Variants in BLTP3A observed in about 807,000 individuals in gnomAD.
BLTP3A encodes bridge-like lipid transfer protein family member 3A, also known as ICBP90 binding protein 1.
the BLTP3A span, chr6:34,856,429 A>G: frequency 6.2e-7 from 1 of 1,610,910 alleles, no homozygotes. Context: ...GAGGAACTGG[A>G]AGACTCCAGT....
the BLTP3A span, chr6:34,834,708 T>C: frequency 6.2e-7 from 1 of 1,612,686 alleles, no homozygotes; most frequent in Non-Finnish European, 8.5e-7. Flanking sequence ...GATTGTACTT[T>C]CTCTCCTTCC....
At chr6:34,858,023 A>G in the BLTP3A span, 6 of 1,556,540 alleles carry the variant, frequency 3.9e-6, no homozygotes, top group East Asian at 1.4e-4. Flanking sequence ...AAGTAAGAAA[A>G]TAGTTTCACA....
chr6:34,858,448 T>G, the BLTP3A span: 1 of 1,614,204 alleles, frequency 6.2e-7, no homozygotes, highest in South Asian at 1.1e-5. Flanking sequence ...GTCTGTCCAC[T>G]TTACCCAGAT....
chr6:34,792,285 A>C, the BLTP3A span: 4 of 1,543,660 alleles, frequency 2.6e-6, no homozygotes, highest in Non-Finnish European at 3.5e-6. Flanking sequence ...ATCCTGAAAC[A>C]CCTGTCCCGG....
the BLTP3A span, chr6:34,872,209 T>C: frequency 1.6e-5 from 21 of 1,335,912 alleles, no homozygotes; most frequent in Non-Finnish European, 2.1e-5. Context: ...TTGACATAAC[T>C]TGTGGATTTT....
the BLTP3A span, chr6:34,834,965 GAC>G: frequency 2.9e-6 from 4 of 1,395,632 alleles, no homozygotes; most frequent in Non-Finnish European, 2.9e-6. Flanking sequence ...GCCCTGGAAT[GAC>G]AGTTGAAGGG....
At chr6:34,803,145 C>A in the BLTP3A span, among the ~76,000 whole-genome samples, 1 of 151,622 alleles carries the variant, frequency 6.6e-6, no homozygotes, top group African/African-American at 2.4e-5. Flanking sequence ...GATCGCGCCA[C>A]TGCACTCCAG....
chr6:34,860,807 TG>T, the BLTP3A span, among the ~76,000 whole-genome samples: 1 of 152,038 alleles, frequency 6.6e-6, no homozygotes, highest in African/African-American at 2.4e-5. Context: ...CTTTTCTAAA[TG>T]GAGACAAGTA....
At chr6:34,856,012 A>C in the BLTP3A span, 1 of 865,100 alleles carries the variant, frequency 1.2e-6, no homozygotes, top group Non-Finnish European at 1.4e-6. Flanking sequence ...CCATAGTCAA[A>C]TATGGCAGCA....
the BLTP3A span, chr6:34,867,622 G>T: frequency 6.2e-7 from 1 of 1,611,336 alleles, no homozygotes; most frequent in Non-Finnish European, 8.5e-7. Context: ...CCCAGGTAAG[G>T]ATGGTAGTCA....
At chr6:34,820,943 C>T in the BLTP3A span, among the ~76,000 whole-genome samples, 2 of 150,048 alleles carry the variant, frequency 1.3e-5, no homozygotes, top group African/African-American at 2.5e-5. Context: ...TGAGCCACCA[C>T]GCCTGGCCCT....
chr6:34,843,769 A>T, the BLTP3A span, among the ~76,000 whole-genome samples: 1 of 152,162 alleles, frequency 6.6e-6, no homozygotes, highest in Admixed American at 6.5e-5. Flanking sequence ...CAGTAGTGGG[A>T]TTGCCTGATC....
chr6:34,848,634 C>T, the BLTP3A span, among the ~76,000 whole-genome samples: 2 of 151,586 alleles, frequency 1.3e-5, no homozygotes, highest in South Asian at 2.1e-4. Context: ...ATAGCTATTC[C>T]GTCTCTTTTT....
the BLTP3A span, among the ~76,000 whole-genome samples, chr6:34,818,879 A>T: frequency 9.9e-5 from 15 of 152,200 alleles, no homozygotes; most frequent in Non-Finnish European, 2.2e-4. Flanking sequence ...GCAAAGATAA[A>T]CTTTTGCACG....
At chr6:34,858,171 C>T in the BLTP3A span, 2 of 1,614,118 alleles carry the variant, frequency 1.2e-6, no homozygotes, top group Non-Finnish European at 1.7e-6. Context: ...TGCATCGTCC[C>T]CAGGCCCTTG....
the BLTP3A span, among the ~76,000 whole-genome samples, chr6:34,829,524 T>C: frequency 6.6e-6 from 1 of 152,204 alleles, no homozygotes; most frequent in Non-Finnish European, 1.5e-5. Context: ...GTGAGAGACA[T>C]CCATTTTGTT....
At chr6:34,792,133 G>GGCGGCGGCGGCGGCGGCT in the BLTP3A span, 5 of 901,434 alleles carry the variant, frequency 5.5e-6, no homozygotes, top group Admixed American at 4.0e-5. Context: ...CCATGGCGGC[G>GGCGGCGGCGGCGGCGGCT]GCGGCGGCTG....
chr6:34,814,535 A>C, the BLTP3A span, among the ~76,000 whole-genome samples: 1 of 152,228 alleles, frequency 6.6e-6, no homozygotes. Flanking sequence ...ACGTGCATGC[A>C]CCATCAGCAG....
At chr6:34,809,269 A>G in the BLTP3A span, among the ~76,000 whole-genome samples, 2 of 151,994 alleles carry the variant, frequency 1.3e-5, no homozygotes, top group Non-Finnish European at 2.9e-5. Context: ...GGTGCATGCC[A>G]CTAGTCTCAA....
Sources: allele counts gnomAD v4.1 joint callset (sites outside exome capture counted in the v4.1 genomes callset), GRCh38; gene constraint gnomAD v4.1.1; transcripts MANE v1.5; gene names NCBI Gene and HGNC (gene_info 2026-07-23, HGNC 2026-07-21).